The following TSPAN9 variants were observed in gnomAD, a reference collection of about 807,000 sequenced individuals.
TSPAN9 encodes tetraspanin 9.
In TSPAN9, 16 loss-of-function variants were observed where a neutral mutation model predicts 31.0. The observed-to-expected ratio is 0.52, with a 90% confidence interval of 0.35 to 0.78. The LOEUF is 0.78. TSPAN9 is among the 30% of genes least tolerant of loss of function. The pLI is 0.01. For synonymous variants in TSPAN9, 145 were observed against 121.6 expected, an observed-to-expected ratio of 1.19 and a Z score of -1.27; for missense variants, 272 against 312.5, an observed-to-expected ratio of 0.87 and a Z score of 0.98.
intron 3 of TSPAN9, among the ~76,000 whole-genome samples, chr12:3,229,441 C>G (rs2098389526): frequency 6.6e-6 from 1 of 152,244 alleles, no homozygotes; most frequent in African/African-American, 2.4e-5. Context: ...TCTTGTGTGG[C>G]TTCCTAATTA....
intron 2 of TSPAN9, among the ~76,000 whole-genome samples, chr12:3,138,660 T>C (rs2098333230): frequency 6.6e-6 from 1 of 152,010 alleles, no homozygotes; most frequent in African/African-American, 2.4e-5. Flanking sequence ...TTTTTTTTCC[T>C]TTTTTTGTAT....
chr12:3,161,941 G>A (rs763143533), intron 2 of TSPAN9, among the ~76,000 whole-genome samples: 13 of 152,078 alleles, frequency 8.5e-5, no homozygotes, highest in Admixed American at 2.6e-4. Flanking sequence ...TCAGCCTTCC[G>A]AAGTGTTGGG....
intron 2 of TSPAN9, among the ~76,000 whole-genome samples, chr12:3,112,728 G>A (rs1194759822): frequency 2.2e-4 from 29 of 131,522 alleles, no homozygotes; most frequent in African/African-American, 8.4e-4. Flanking sequence ...ACCCAGGCTG[G>A]AGTGCAGTGA....
intron 3 of TSPAN9, among the ~76,000 whole-genome samples, chr12:3,253,716 G>A (rs183925402): frequency 1.7e-3 from 265 of 152,348 alleles, no homozygotes; most frequent in Admixed American, 5.3e-3. Flanking sequence ...ACTGCCCTTG[G>A]ACCCCTTTTA....
At chr12:3,136,566 G>A (rs2098332235) in intron 2 of TSPAN9, among the ~76,000 whole-genome samples, 1 of 152,168 alleles carries the variant, frequency 6.6e-6, no homozygotes, top group South Asian at 2.1e-4. Flanking sequence ...GAGTCGGGGT[G>A]GCTCTCCTTT....
intron 2 of TSPAN9, among the ~76,000 whole-genome samples, chr12:3,102,712 C>T (rs546176856): frequency 6.6e-6 from 1 of 152,232 alleles, no homozygotes; most frequent in Non-Finnish European, 1.5e-5. Flanking sequence ...GCTGGGATTA[C>T]AGGCGTGAGC....
chr12:3,091,268 G>GC (rs2098304404), intron 2 of TSPAN9, among the ~76,000 whole-genome samples: 1 of 152,212 alleles, frequency 6.6e-6, no homozygotes, highest in Non-Finnish European at 1.5e-5. Flanking sequence ...AAATAAGAGG[G>GC]CCCAGGCCTA....
intron 3 of TSPAN9, among the ~76,000 whole-genome samples, chr12:3,270,705 C>G (rs926344920): frequency 1.1e-4 from 16 of 152,262 alleles, no homozygotes; most frequent in Non-Finnish European, 2.2e-4. Flanking sequence ...TATCCCACCA[C>G]GCAGGGCCCT....
At chr12:3,110,962 C>G (rs553754104) in intron 2 of TSPAN9, among the ~76,000 whole-genome samples, 2 of 152,078 alleles carry the variant, frequency 1.3e-5, no homozygotes, top group Admixed American at 1.3e-4. Context: ...AAGCAGCAAC[C>G]CAGGCACAGT....
At chr12:3,253,538 G>A (rs1023610232) in intron 3 of TSPAN9, among the ~76,000 whole-genome samples, 2 of 152,230 alleles carry the variant, frequency 1.3e-5, no homozygotes, top group African/African-American at 2.4e-5. Context: ...GGAAGTGTTC[G>A]CTGAGCTCGG....
intron 2 of TSPAN9, among the ~76,000 whole-genome samples, chr12:3,090,970 A>T (rs546374682): frequency 5.8e-4 from 89 of 152,362 alleles, no homozygotes; most frequent in African/African-American, 2.0e-3. Context: ...GCACGCGGCT[A>T]GCGCTGGCAG....
rs2058244 is a variant in TSPAN9, at chr12:3,168,385, C to T, written c.-17-32792C>T. ...AAATCTGTGCCTTCGCAATATGTTC[C>T]GGGTGCTGTAGGGGTGCTGGGTGAA... On this transcript the variant is annotated intron_variant, in intron 2 of 8. Coordinates refer to ENST00000011898, the MANE Select transcript of TSPAN9 (RefSeq NM_006675.5). This position sits in a 1 kb window ranked among gnomAD's most constrained non-coding sequence, Gnocchi z 4.0. Among the ~76,000 whole-genome samples, 16,659 of 152,152 alleles carry T rather than the reference C, an allele frequency of 0.11. 989 individuals are homozygous for T. The highest frequency in any genetic ancestry group is 0.13 in the African/African-American group (5,475 of 41,482).
intron 2 of TSPAN9, among the ~76,000 whole-genome samples, chr12:3,131,011 T>A (rs2098329601): frequency 6.6e-6 from 1 of 152,166 alleles, no homozygotes; most frequent in Non-Finnish European, 1.5e-5. Context: ...CGTGTGGTAT[T>A]TGTTTTTGCT....
At chr12:3,185,945 G>T (rs1373182233) in intron 2 of TSPAN9, among the ~76,000 whole-genome samples, 6 of 152,200 alleles carry the variant, frequency 3.9e-5, no homozygotes. Flanking sequence ...GAGCTCAGGG[G>T]CCTTCAGACT....
chr12:3,225,443 G>A (rs2153975399), intron 3 of TSPAN9, among the ~76,000 whole-genome samples: 1 of 152,300 alleles, frequency 6.6e-6, no homozygotes, highest in African/African-American at 2.4e-5. Flanking sequence ...GGCGCTTGGA[G>A]GGAAGGTTGT....
chr12:3,238,749 A>G (rs2098395097), intron 3 of TSPAN9, among the ~76,000 whole-genome samples: 1 of 152,214 alleles, frequency 6.6e-6, no homozygotes, highest in Non-Finnish European at 1.5e-5. Flanking sequence ...TGCACTGGGA[A>G]AGTCAGCAGA....
chr12:3,256,560 G>C (rs1292014623), intron 3 of TSPAN9, among the ~76,000 whole-genome samples: 1 of 152,208 alleles, frequency 6.6e-6, no homozygotes, highest in African/African-American at 2.4e-5. Context: ...GGAGCGGCCC[G>C]GCTAGGGCTG....
At chr12:3,171,692 G>C (rs1415542725) in intron 2 of TSPAN9, 1 of 152,172 alleles carries the variant, frequency 6.6e-6, no homozygotes, top group Non-Finnish European at 1.5e-5. Flanking sequence ...TTGATGAACT[G>C]CTATTGACAG....
intron 3 of TSPAN9, among the ~76,000 whole-genome samples, chr12:3,252,059 C>T (rs1054987077): frequency 6.6e-6 from 1 of 152,038 alleles, no homozygotes; most frequent in Non-Finnish European, 1.5e-5. Context: ...TTTGTAGCTT[C>T]TAGCACCTGG....
Sources: allele counts gnomAD v4.1 joint callset (sites outside exome capture counted in the v4.1 genomes callset), GRCh38; gene constraint gnomAD v4.1.1; non-coding constraint Gnocchi (gnomAD v3.1); transcripts MANE v1.5; gene names NCBI Gene and HGNC (gene_info 2026-07-23, HGNC 2026-07-21).